The following TTYH1 variants were observed in gnomAD, a reference collection of about 807,000 sequenced individuals.
TTYH1 encodes the protein tweety family member 1, also known as protein tweety homolog 1.
Under a neutral mutation model 61.2 loss-of-function variants are expected in TTYH1, and 33 were observed. That is an observed-to-expected ratio of 0.54 (90% CI 0.41 to 0.72). TTYH1 has a LOEUF of 0.72. Ranked by LOEUF, TTYH1 falls within the 30% of genes least tolerant of loss-of-function variation. The pLI is 0.00. For missense variants in TTYH1, 538 were observed against 575.8 expected (o/e 0.93, Z 0.67); for synonymous variants, 308 against 266.4 (o/e 1.16, Z -1.52).
At position 54,420,910 on chromosome 19, in the gene TTYH1, C is replaced by CG. The variant is rs2083201610; in HGVS notation, c.306-362dup. The CG allele has an allele frequency of 3.1e-6, 1 of 318,104 alleles. No individual in the cohort carries two copies. Among genetic ancestry groups the CG allele is most frequent in the Non-Finnish European group, 6.4e-6 (1 of 155,126 alleles). 19.7% of individuals were successfully genotyped at this position (318,104 alleles called of 1,614,324 possible). A position where few individuals can be genotyped will look rare whatever the true frequency, so the allele number is the denominator to read the frequency against. On this transcript the variant is annotated intron_variant, in intron 2 of 13. Transcript: ENST00000376530. This position sits in a 1 kb window ranked among gnomAD's most constrained non-coding sequence, Gnocchi z 4.8. ...AGGGCTGCCTGCCTGGCAAAGGATG[C>CG]GGGGGAAGGGTGTGGGGCAGGCAGT...
At chr19:54,431,003 C>T in intron 9 of TTYH1, 96 bp from the exon 10 acceptor site, 2 of 931,070 alleles carry the variant, frequency 2.1e-6, no homozygotes, top group Non-Finnish European at 3.1e-6. Context: ...CAGAGCTAGG[C>T]GGGGCCTTGG....
Position 54,429,677 on chromosome 19 carries a change from T to C in TTYH1, c.808-205T>C, listed in dbSNP as rs906523541. 1.3e-5 allele frequency among the ~76,000 whole-genome samples: 2 copies of C among 150,250 alleles called. No individual in the cohort carries two copies. The highest frequency in any genetic ancestry group is 3.0e-5 in the Non-Finnish European group (2 of 67,542). ...AGCTGGGGGCCTGGACTCCTGAGTC[T>C]GAGGGAGAAAGGGCTGGAGAGTCTG... On this transcript the variant is annotated intron_variant, in intron 6 of 13. Coordinates refer to ENST00000376530, the MANE Select transcript of TTYH1 (RefSeq NM_020659.4). The surrounding 1 kb of genome is among the most constrained non-coding windows in gnomAD (Gnocchi z 5.1).
At chr19:54,423,312 C>T (rs964372877) in intron 4 of TTYH1, among the ~76,000 whole-genome samples, 6 of 151,844 alleles carry the variant, frequency 4.0e-5, no homozygotes, top group African/African-American at 1.2e-4. Flanking sequence ...ATTCTCCTGC[C>T]GCAGCCTCCC....
In TTYH1 at chr19:54,436,357, AC is replaced by A. The variant is rs2083553205; in HGVS notation, c.*71del. The A allele has an allele frequency of 5.0e-6, 8 of 1,613,628 alleles. No homozygotes were observed. In the East Asian group the frequency reaches 1.8e-4, roughly 36 times the overall value. ...GTTCCTTCCCTGGCTGCCGGAGGAG[AC>A]CCCACTAACCCAGCCTGCCTGGGCT... On this transcript the variant is annotated 3_prime_UTR_variant, in exon 14 of 14. Transcript: ENST00000376530. This position sits in a 1 kb window ranked among gnomAD's most constrained non-coding sequence, Gnocchi z 4.3.
chr19:54,435,506 G>A lies in TTYH1; in HGVS notation c.1126-36G>A, dbSNP rs769723310. 4.5e-6 allele frequency: 7 copies of A among 1,558,956 alleles called. No homozygotes were observed. In the South Asian group the frequency reaches 8.3e-5, roughly 19 times the overall value. ...ACAGTGTGTGCCGATGGGGGAGGGG[G>A]TGGGGACGCATGGCCTGATGACGCC... On this transcript the variant is annotated intron_variant, in intron 10 of 13. Transcript: ENST00000376530.
rs1402554775 is a variant in TTYH1, at chr19:54,415,931, A to G, written c.126+253A>G. The G allele has an allele frequency of 1.1e-6, 1 of 906,062 alleles. No individual in the cohort carries two copies. Among genetic ancestry groups the G allele is most frequent in the Non-Finnish European group, 1.7e-6 (1 of 605,738 alleles). 56.1% of individuals were successfully genotyped at this position (906,062 alleles called of 1,614,324 possible). On this transcript the variant is annotated intron_variant, in intron 1 of 13. Coordinates refer to ENST00000376530, the MANE Select transcript of TTYH1 (RefSeq NM_020659.4). This position sits in a 1 kb window ranked among gnomAD's most constrained non-coding sequence, Gnocchi z 5.2. ...GCTGGGGACCTGCACCCCTGAGTTC[A>G]TGGAGAGGAGGGGAGGGGGGCCCGG... is the stretch of plus-strand genomic sequence containing the variant.
At position 54,419,484 on chromosome 19, in the gene TTYH1, A is replaced by G. The variant is rs1272443742; in HGVS notation, c.305+178A>G. ...AGCGCACAGCAGGAAGGACTGTCCC[A>G]TTTGATGGATGGAGAAAGTGAGGCT... On this transcript the variant is annotated intron_variant, in intron 2 of 13. Transcript: ENST00000376530. This position sits in a 1 kb window ranked among gnomAD's most constrained non-coding sequence, Gnocchi z 6.1. The G allele has an allele frequency of 2.7e-6, 2 of 747,412 alleles. No homozygotes were observed. Among genetic ancestry groups the G allele is most frequent in the Middle Eastern group, 2.2e-4 (1 of 4,446 alleles). The allele number at this position is 747,412 out of a possible 1,614,324, so 46.3% of individuals were successfully genotyped here. A position where few individuals can be genotyped will look rare whatever the true frequency, so the allele number is the denominator to read the frequency against.
rs763312803 is a variant in TTYH1 at position 54,421,316 on chromosome 19, C to A, written c.345C>A (p.Thr115=). 10 of 1,613,792 alleles carry A rather than the reference C, an allele frequency of 6.2e-6. No individual in the cohort carries two copies. Among genetic ancestry groups the A allele is most frequent in the Non-Finnish European group, 1.7e-6 (2 of 1,179,776 alleles). Residue 115 remains threonine (T), a synonymous_variant, in exon 3 of 14, where the codon ACC becomes ACA. Coordinates refer to ENST00000376530, the MANE Select transcript of TTYH1 (RefSeq NM_020659.4). The surrounding 1 kb of genome is among the most constrained non-coding windows in gnomAD (Gnocchi z 4.8). ...TCGGTTTCTATGGCAACAGTGAGAC[C>A]AGTGATGGGGTGTCCCAGCTCAGCT... is the stretch of plus-strand genomic sequence containing the variant. ...IGIGFYGNSE[T]SDGVSQLSSA... is the part of the protein sequence containing the mutation.
At chr19:54,424,203 AG>A (rs2083278043) in intron 4 of TTYH1, among the ~76,000 whole-genome samples, 1 of 151,882 alleles carries the variant, frequency 6.6e-6, no homozygotes, top group South Asian at 2.1e-4. Context: ...GAGGTGGGAC[AG>A]AGTCTGGCAG....
rs576431404 is a variant in TTYH1 at position 54,420,271 on chromosome 19, CG to C, written c.305+968del. Among the ~76,000 whole-genome samples, 675 of 152,264 alleles carry C rather than the reference CG, an allele frequency of 4.4e-3. 5 individuals are homozygous for C. Among genetic ancestry groups the C allele is most frequent in the African/African-American group, 0.016 (648 of 41,538 alleles). On this transcript the variant is annotated intron_variant, in intron 2 of 13. Coordinates refer to ENST00000376530, the MANE Select transcript of TTYH1 (RefSeq NM_020659.4). The surrounding 1 kb of genome is among the most constrained non-coding windows in gnomAD (Gnocchi z 4.8). ...CCAGACGCCTGCCCCGGACCCACAG[CG>C]GGCAAGGGGAGGGACCTGTAGGGGT...
rs981819900 is a variant in TTYH1 at position 54,415,964 on chromosome 19, G to T, written c.126+286G>T. ...GAGGGGAGGGGGGCCCGGATTCCCG[G>T]GTGTCTGATACCTGCCTGGGAAGCC... On this transcript the variant is annotated intron_variant, in intron 1 of 13. Coordinates refer to ENST00000376530, the MANE Select transcript of TTYH1 (RefSeq NM_020659.4). The surrounding 1 kb of genome is among the most constrained non-coding windows in gnomAD (Gnocchi z 5.2). The T allele has an allele frequency of 4.2e-6, 5 of 1,180,026 alleles. No homozygotes were observed. Among genetic ancestry groups the T allele is most frequent in the Non-Finnish European group, 5.8e-6 (5 of 858,912 alleles). The allele number at this position is 1,180,026 out of a possible 1,614,324, so 73.1% of individuals were successfully genotyped here. A position where few individuals can be genotyped will look rare whatever the true frequency, so the allele number is the denominator to read the frequency against.
Position 54,416,138 on chromosome 19 carries a change from C to A in TTYH1, c.126+460C>A. ...ATAACGGTGGCGGGGAAAACGCTGG[C>A]TGCTGCGGTGCTGGGATGGGATTGA... On this transcript the variant is annotated intron_variant, in intron 1 of 13. Coordinates refer to ENST00000376530, the MANE Select transcript of TTYH1 (RefSeq NM_020659.4). This position sits in a 1 kb window ranked among gnomAD's most constrained non-coding sequence, Gnocchi z 7.0. 1 of 1,184,486 alleles carries A rather than the reference C, an allele frequency of 8.4e-7. No individual in the cohort carries two copies. Among genetic ancestry groups the A allele is most frequent in the Non-Finnish European group, 1.1e-6 (1 of 880,566 alleles). The allele number at this position is 1,184,486 out of a possible 1,614,324, so 73.4% of individuals were successfully genotyped here. A position where few individuals can be genotyped will look rare whatever the true frequency, so the allele number is the denominator to read the frequency against.
chr19:54,435,457 G>A lies in TTYH1; in HGVS notation c.1126-85G>A, dbSNP rs997846257. The stretch of plus-strand genomic sequence containing the variant: ...AGTTGACGTGTGCAGTACCACAGCC[G>A]GGAGGACGGTCAGACTGATGTGCAC... On this transcript the variant is annotated intron_variant, in intron 10 of 13. Transcript: ENST00000376530. 71 of 1,483,766 alleles carry A rather than the reference G, an allele frequency of 4.8e-5. 1 individual carries two copies. The highest frequency in any genetic ancestry group is 1.4e-4 in the South Asian group (11 of 78,052). 91.9% of individuals were successfully genotyped at this position (1,483,766 alleles called of 1,614,324 possible).
intron 1 of TTYH1, among the ~76,000 whole-genome samples, chr19:54,418,035 CTGTG>C (rs749522560): frequency 6.7e-6 from 1 of 149,688 alleles, no homozygotes; most frequent in African/African-American, 2.5e-5. Context: ...CACTGTGCCA[CTGTG>C]TGTGTGTATG....
chr19:54,426,803 C>T, intron 5 of TTYH1, 35 bp downstream of exon 5: 1 of 1,580,218 alleles, frequency 6.3e-7, no homozygotes, highest in South Asian at 1.1e-5. Flanking sequence ...CAGTGCTTGC[C>T]TGGCACTCTC....
At position 54,426,465 on chromosome 19, in the gene TTYH1, C is replaced by T. The variant is rs1014298734; in HGVS notation, c.639-208C>T. The T allele has an allele frequency of 4.3e-5, 26 of 601,854 alleles. No individual in the cohort carries two copies. In the Admixed American group the frequency reaches 6.1e-4, roughly 14 times the overall value. 37.3% of individuals were successfully genotyped at this position (601,854 alleles called of 1,614,324 possible). ...GGTGCTCAGGACCTGTATTCTAAAC[C>T]GCTCCAGTGTCCTGTCTCATGATAA... is the stretch of plus-strand genomic sequence containing the variant. On this transcript the variant is annotated intron_variant, in intron 4 of 13. Transcript: ENST00000376530.
chr19:54,425,958 C>T (rs560842323), intron 4 of TTYH1, among the ~76,000 whole-genome samples: 2 of 152,300 alleles, frequency 1.3e-5, no homozygotes, highest in East Asian at 1.9e-4. Flanking sequence ...TCAAGTGATC[C>T]GCCTGCCTCA....
intron 3 of TTYH1, 105 bp from the exon 4 acceptor site, chr19:54,422,085 A>G (rs1209406229): frequency 1.1e-6 from 1 of 885,272 alleles, no homozygotes; most frequent in Non-Finnish European, 1.7e-6. Context: ...CAGATCTCAG[A>G]CACCCGCTAC....
At chr19:54,431,030 C>A in intron 9 of TTYH1, 69 bp from the exon 10 acceptor site, 1 of 1,478,194 alleles carries the variant, frequency 6.8e-7, no homozygotes, top group Non-Finnish European at 9.3e-7. Flanking sequence ...GGCGGGGACG[C>A]AGGGCGGGGC....
Sources: gnomAD v4.1 joint callset for allele counts (sites outside exome capture counted in the v4.1 genomes callset) on GRCh38, gnomAD v4.1.1 for gene constraint, Gnocchi (gnomAD v3.1) non-coding constraint, MANE v1.5 for transcripts, NCBI Gene and HGNC (gene_info 2026-07-23, HGNC 2026-07-21) for gene names.